Variants in KLRG1 observed in about 807,000 individuals in gnomAD.
The protein encoded by KLRG1 is killer cell lectin-like receptor subfamily G member 1.
A neutral mutation model predicts 21.8 loss-of-function variants in KLRG1; 16 were observed. That is an observed-to-expected ratio of 0.73 (90% CI 0.50 to 1.11). The LOEUF (loss-of-function observed/expected upper bound fraction) is 1.11, where lower values mean the gene tolerates loss of function less well. KLRG1 is among the 50% of genes most tolerant of loss of function. The probability of loss-of-function intolerance (pLI) is 0.00; values close to 1 mark genes in which losing one functional copy is unlikely to be tolerated. For synonymous variants in KLRG1, 69 were observed against 75.9 expected (o/e 0.91, Z 0.47); for missense variants, 173 against 218.3 (o/e 0.79, Z 1.31).
chr12:9,010,038 C>T lies in KLRG1; in HGVS notation c.*501C>T, dbSNP rs1368783523. On this transcript the variant is annotated 3_prime_UTR_variant, in exon 5 of 5. Transcript: ENST00000356986. ...TCAAGCTTTATTCTGAAGAATAAAC[C>T]TAGCTGGCATGCTGGTGTGTACCTG... 1 of 1,531,630 alleles carries T rather than the reference C, an allele frequency of 6.5e-7. No homozygotes were observed. Among genetic ancestry groups the T allele is most frequent in the Non-Finnish European group, 8.7e-7 (1 of 1,144,056 alleles). 94.9% of individuals were successfully genotyped at this position (1,531,630 alleles called of 1,614,324 possible). A position where few individuals can be genotyped will look rare whatever the true frequency, so the allele number is the denominator to read the frequency against.
At chr12:8,974,805 C>G (rs943986945) in intron 1 of KLRG1, among the ~76,000 whole-genome samples, 2 of 151,990 alleles carry the variant, frequency 1.3e-5, no homozygotes, top group Admixed American at 6.6e-5. Context: ...CTGTTTTTAT[C>G]AGGGACATTT....
chr12:9,206,510 GC>G, the KLRG1 span, among the ~76,000 whole-genome samples: 1 of 152,074 alleles, frequency 6.6e-6, no homozygotes, highest in African/African-American at 2.4e-5. Flanking sequence ...TTAAATATTT[GC>G]CTCTTTAGCA....
At chr12:9,087,563 A>AT in the KLRG1 span, among the ~76,000 whole-genome samples, 1 of 146,164 alleles carries the variant, frequency 6.8e-6, no homozygotes, top group Non-Finnish European at 1.6e-5. Flanking sequence ...GAAGGAATAC[A>AT]TTTTTTTCTT....
chr12:9,126,773 A>G, the KLRG1 span, among the ~76,000 whole-genome samples: 1 of 152,200 alleles, frequency 6.6e-6, no homozygotes, highest in Non-Finnish European at 1.5e-5. Context: ...TTCTGTGCAT[A>G]GTTCTCTGCC....
chr12:9,148,150 A>G, the KLRG1 span, among the ~76,000 whole-genome samples: 28 of 152,302 alleles, frequency 1.8e-4, no homozygotes, highest in African/African-American at 6.3e-4. Flanking sequence ...ACCATGTACA[A>G]CGTTTTGAAA....
chr12:9,055,974 A>T, the KLRG1 span, among the ~76,000 whole-genome samples: 6 of 152,246 alleles, frequency 3.9e-5, no homozygotes, highest in East Asian at 7.7e-4. Flanking sequence ...AAAGCTGTAT[A>T]GTTCTGCGTT....
At chr12:9,117,025 A>G in the KLRG1 span, among the ~76,000 whole-genome samples, 1 of 152,174 alleles carries the variant, frequency 6.6e-6, no homozygotes, top group African/African-American at 2.4e-5. Context: ...AAAAATTTTG[A>G]GGGAAAGCAA....
upstream of KLRG1, among the ~76,000 whole-genome samples, chr12:8,984,885 T>C (rs1592257531): frequency 6.6e-6 from 1 of 152,242 alleles, no homozygotes; most frequent in African/African-American, 2.4e-5. Flanking sequence ...GTATCCTCTT[T>C]TTTGAAGAAA....
chr12:9,145,320 T>A, the KLRG1 span, among the ~76,000 whole-genome samples: 1 of 152,206 alleles, frequency 6.6e-6, no homozygotes, highest in Non-Finnish European at 1.5e-5. Flanking sequence ...TTTTTAAATC[T>A]CTGTCTTTTG....
the KLRG1 span, chr12:9,093,677 A>C: frequency 1.6e-4 from 104 of 653,430 alleles, no homozygotes; most frequent in East Asian, 2.8e-4. Context: ...CAAAAAACAA[A>C]TCGTCTGATG....
At chr12:9,182,743 C>G in the KLRG1 span, among the ~76,000 whole-genome samples, 88,627 of 152,052 alleles carry the variant, frequency 0.58, 26,543 homozygotes, top group East Asian at 0.76. Context: ...AAAAGGGCAA[C>G]AACAAAAGTT....
the KLRG1 span, among the ~76,000 whole-genome samples, chr12:9,100,899 G>C: frequency 6.6e-6 from 1 of 152,112 alleles, no homozygotes; most frequent in Non-Finnish European, 1.5e-5. Flanking sequence ...GTGGATTCAG[G>C]GGGAAGGGTG....
chr12:9,202,755 C>G, the KLRG1 span: 1 of 1,422,892 alleles, frequency 7.0e-7, no homozygotes, highest in Admixed American at 2.0e-5. Flanking sequence ...TCAGTCATTG[C>G]TATTTCCTAT....
the KLRG1 span, among the ~76,000 whole-genome samples, chr12:9,031,751 G>T: frequency 3.9e-5 from 6 of 152,178 alleles, no homozygotes; most frequent in East Asian, 1.2e-3. Context: ...AAATGCATTG[G>T]TTTCGCTCAG....
the KLRG1 span, chr12:9,077,567 CCT>C: frequency 2.0e-6 from 3 of 1,486,002 alleles, no homozygotes; most frequent in Non-Finnish European, 2.7e-6. Context: ...TGTTCTATCC[CCT>C]CTTTTTTGGT....
At chr12:9,196,564 C>T in the KLRG1 span, 5 of 1,593,466 alleles carry the variant, frequency 3.1e-6, no homozygotes, top group South Asian at 5.5e-5. Flanking sequence ...TCGTTCATTA[C>T]TCACACCTGT....
Position 9,009,542 on chromosome 12 carries a change from T to C in KLRG1, c.*5T>C, listed in dbSNP as rs747306465. The C allele has an allele frequency of 6.2e-7, 1 of 1,613,726 alleles. No homozygotes were observed. Among genetic ancestry groups the C allele is most frequent in the Admixed American group, 1.7e-5 (1 of 59,990 alleles). On this transcript the variant is annotated 3_prime_UTR_variant, in exon 5 of 5. Transcript: ENST00000356986. ...TGTAAGAAGGTCAGACTTTGATAGA[T>C]GACCACTCTGTCCTGACCCTCAGAT... is the stretch of plus-strand genomic sequence containing the variant.
chr12:9,144,404 G>C, the KLRG1 span, among the ~76,000 whole-genome samples: 1 of 152,164 alleles, frequency 6.6e-6, no homozygotes, highest in African/African-American at 2.4e-5. Context: ...GGCAAGATGG[G>C]GTGGTTGGCC....
chr12:9,010,186 TAAAAA>T lies in KLRG1; in HGVS notation c.*660_*664del. On this transcript the variant is annotated 3_prime_UTR_variant, in exon 5 of 5. Transcript: ENST00000356986. ...GGGAGATAGAGCAAGACTCCATCTC[TAAAAA>T]AAAAAAAAAATGCTAATGTGAGAAT... 2.4e-6 allele frequency: 1 copy of T among 420,452 alleles called. No homozygotes were observed. Among genetic ancestry groups the T allele is most frequent in the Non-Finnish European group, 4.2e-6 (1 of 239,466 alleles). The allele number at this position is 420,452 out of a possible 1,614,324, so 26.0% of individuals were successfully genotyped here.
Sources: gnomAD v4.1 joint callset for allele counts (sites outside exome capture counted in the v4.1 genomes callset) on GRCh38, gnomAD v4.1.1 for gene constraint, MANE v1.5 for transcripts, NCBI Gene and HGNC (gene_info 2026-07-23, HGNC 2026-07-21) for gene names.